Variants in BDNF observed in about 807,000 individuals in gnomAD.
BDNF encodes neurotrophic factor BDNF precursor form.
In BDNF, 1 loss-of-function variant was observed where a neutral mutation model predicts 19.5. That is an observed-to-expected ratio of 0.05 (90% confidence interval 0.02 to 0.24). The LOEUF (loss-of-function observed/expected upper bound fraction) is 0.24. Ranked by LOEUF, BDNF falls within the 10% of genes least tolerant of loss-of-function variation. The pLI, the probability that BDNF is intolerant of heterozygous loss-of-function variation, is 1.00. For missense variants in BDNF, 195 were observed against 317.6 expected, an observed-to-expected ratio of 0.61 and a Z score of 2.93; for synonymous variants, 100 against 121.6, an observed-to-expected ratio of 0.82 and a Z score of 1.17.
At chr11:27,699,288 G>A in intron 1 of BDNF, 3 of 1,546,082 alleles carry the variant, frequency 1.9e-6, no homozygotes, top group Non-Finnish European at 8.9e-7. Flanking sequence ...TCTTCCTTAG[G>A]GATGCCCCTA....
intron 1 of BDNF, chr11:27,659,707 T>G: frequency 1.0e-6 from 1 of 989,776 alleles, no homozygotes. Flanking sequence ...CTGAGTGGTG[T>G]TTTACACATT....
intron 1 of BDNF, among the ~76,000 whole-genome samples, chr11:27,681,730 A>C (rs1856849202): frequency 2.6e-5 from 4 of 152,180 alleles, no homozygotes; most frequent in Admixed American, 2.0e-4. Context: ...TAAAAAAAGT[A>C]TCTTTTTGGG....
At chr11:27,676,397 A>G (rs760376420) in intron 1 of BDNF, among the ~76,000 whole-genome samples, 4 of 152,274 alleles carry the variant, frequency 2.6e-5, no homozygotes, top group East Asian at 1.9e-4. Flanking sequence ...ACACTTTTCT[A>G]TGCAGTGGAA....
chr11:27,701,950 A>G (rs1311978675), upstream of BDNF, among the ~76,000 whole-genome samples: 2 of 152,106 alleles, frequency 1.3e-5, no homozygotes. Context: ...GAACTGGCTC[A>G]GTTAATCCTC....
At chr11:27,697,158 C>CAGAGAGAGAGAG (rs1198756508) in intron 1 of BDNF, among the ~76,000 whole-genome samples, 1,238 of 113,510 alleles carry the variant, frequency 0.011, 7 homozygotes, top group Non-Finnish European at 0.018. Flanking sequence ...CACACACACA[C>CAGAGAGAGAGAG]ACACACAGAG....
At chr11:27,668,632 C>A (rs1368963555) in intron 1 of BDNF, among the ~76,000 whole-genome samples, 2 of 152,208 alleles carry the variant, frequency 1.3e-5, no homozygotes, top group Non-Finnish European at 2.9e-5. Flanking sequence ...ACTATAAACA[C>A]TTCTATGCAA....
intron 1 of BDNF, among the ~76,000 whole-genome samples, chr11:27,668,281 A>G (rs1312891785): frequency 6.6e-6 from 1 of 152,248 alleles, no homozygotes; most frequent in East Asian, 1.9e-4. Context: ...GTGTAGAGGG[A>G]AATTTATAGC....
chr11:27,671,725 A>G (rs556893516), intron 1 of BDNF, among the ~76,000 whole-genome samples: 3 of 152,284 alleles, frequency 2.0e-5, no homozygotes, highest in South Asian at 4.1e-4. Flanking sequence ...TTACTTCTCA[A>G]TGTTGAGATG....
At chr11:27,666,268 C>T (rs916145758) in intron 1 of BDNF, among the ~76,000 whole-genome samples, 7 of 152,128 alleles carry the variant, frequency 4.6e-5, no homozygotes, top group African/African-American at 9.7e-5. Context: ...CCCATCTGTA[C>T]GTCACCATCA....
upstream of BDNF, chr11:27,700,586 C>A: frequency 1.0e-6 from 1 of 962,562 alleles, no homozygotes; most frequent in Non-Finnish European, 1.2e-6. Flanking sequence ...CCGTTCGAGG[C>A]GGCCGCTTAA....
chr11:27,679,248 C>T (rs7104207), intron 1 of BDNF, among the ~76,000 whole-genome samples: 72,532 of 151,904 alleles, frequency 0.48, 17,535 homozygotes, highest in Admixed American at 0.54. Flanking sequence ...TGTCCTCTCA[C>T]TTCTAGCTTC....
chr11:27,661,489 C>CT (rs1853436430), intron 1 of BDNF, among the ~76,000 whole-genome samples: 1 of 152,208 alleles, frequency 6.6e-6, no homozygotes, highest in Non-Finnish European at 1.5e-5. Context: ...ATCCATCCCA[C>CT]TGCCACCATC....
Position 27,658,247 on chromosome 11 carries a change from A to G in BDNF, c.318T>C (p.Leu106=). 2 of 1,613,886 alleles carry G rather than the reference A, an allele frequency of 1.2e-6. No individual in the cohort carries two copies. The highest frequency in any genetic ancestry group is 1.7e-6 in the Non-Finnish European group (2 of 1,180,012). ...LSSQVPLEPP[L]LFLLEEYKNY... ...TTTTGTATTCCTCCAGCAGAAAGAG[A>G]AGAGGAGGCTCCAAAGGCACTTGAC... Residue 106 remains leucine, a synonymous_variant, in exon 2 of 2, where the codon CTT becomes CTC. Transcript: ENST00000356660. This position sits in a 1 kb window ranked among gnomAD's most constrained non-coding sequence, Gnocchi z 5.7.
At chr11:27,699,489 G>C in intron 1 of BDNF, 1 of 1,613,872 alleles carries the variant, frequency 6.2e-7, no homozygotes, top group East Asian at 2.2e-5. Context: ...TTCCCTGGAG[G>C]GCGCTTCAGA....
chr11:27,707,085 C>CA (rs556813982), intron 1 of BDNF, among the ~76,000 whole-genome samples: 307 of 152,270 alleles, frequency 2.0e-3, no homozygotes, highest in African/African-American at 7.1e-3. Context: ...TAATTTCTCT[C>CA]AAAGGTAAGG....
chr11:27,679,043 G>T (rs536959655), intron 1 of BDNF, among the ~76,000 whole-genome samples: 1 of 152,272 alleles, frequency 6.6e-6, no homozygotes, highest in South Asian at 2.1e-4. Context: ...TAGGAAACTA[G>T]TTACTTGGAA....
intron 1 of BDNF, among the ~76,000 whole-genome samples, chr11:27,690,333 G>C (rs1298405559): frequency 1.3e-5 from 2 of 152,068 alleles, no homozygotes; most frequent in Admixed American, 1.3e-4. Context: ...TGTCTTGCTT[G>C]GGAGTAAAAG....
At chr11:27,664,504 T>C (rs1216122760) in intron 1 of BDNF, among the ~76,000 whole-genome samples, 1 of 152,100 alleles carries the variant, frequency 6.6e-6, no homozygotes, top group Non-Finnish European at 1.5e-5. Flanking sequence ...AAGGGCCAGG[T>C]GCAGTGGCTC....
intron 1 of BDNF, among the ~76,000 whole-genome samples, chr11:27,708,998 T>A (rs11030120): frequency 0.038 from 5,812 of 152,110 alleles, 395 homozygotes; most frequent in African/African-American, 0.13. Flanking sequence ...TTGGCTCATT[T>A]TTTAAGTTTT....
Sources: gnomAD v4.1 joint callset for allele counts (sites outside exome capture counted in the v4.1 genomes callset) on GRCh38, gnomAD v4.1.1 for gene constraint, Gnocchi (gnomAD v3.1) non-coding constraint, MANE v1.5 for transcripts, NCBI Gene and HGNC (gene_info 2026-07-23, HGNC 2026-07-21) for gene names.